SUMF1: variants seen among roughly 807,000 people sequenced by gnomAD.
The protein encoded by SUMF1 is sulfatase modifying factor 1.
Under a neutral mutation model 47.6 loss-of-function variants are expected in SUMF1, and 48 were observed. The observed-to-expected ratio is 1.01, with a 90% CI of 0.80 to 1.28. The LOEUF is 1.28. Ranked by LOEUF, SUMF1 falls within the 50% of genes most tolerant of loss-of-function variation. The probability of loss-of-function intolerance (pLI) is 0.00; values close to 1 mark genes in which losing one functional copy is unlikely to be tolerated. For missense variants in SUMF1, 571 were observed against 485.4 expected (o/e 1.18, Z -1.66); for synonymous variants, 230 against 192.1 (o/e 1.20, Z -1.63).
intron 8 of SUMF1, among the ~76,000 whole-genome samples, chr3:4,348,542 G>C (rs1344623524): frequency 1.3e-5 from 2 of 152,088 alleles, no homozygotes; most frequent in Non-Finnish European, 2.9e-5. Context: ...ATGGATTAAA[G>C]ACTTAAATGT....
intron 9 of SUMF1, among the ~76,000 whole-genome samples, chr3:4,047,470 A>C (rs555462479): frequency 3.3e-4 from 51 of 152,258 alleles, no homozygotes; most frequent in African/African-American, 1.2e-3. Context: ...CACAGTTCCA[A>C]GGAGGCTTTA....
At chr3:4,188,484 C>T (rs972879454) in intron 8 of SUMF1, among the ~76,000 whole-genome samples, 1 of 152,116 alleles carries the variant, frequency 6.6e-6, no homozygotes, top group Non-Finnish European at 1.5e-5. Flanking sequence ...CATGATGAAA[C>T]GTTTTCATAC....
At chr3:4,249,671 A>G (rs1696749237) in intron 8 of SUMF1, among the ~76,000 whole-genome samples, 1 of 152,198 alleles carries the variant, frequency 6.6e-6, no homozygotes, top group South Asian at 2.1e-4. Flanking sequence ...TAATAACCCT[A>G]AAATGGCCTC....
chr3:4,337,635 C>A lies in SUMF1; in HGVS notation c.1014+38695G>T, dbSNP rs556182993. Among the ~76,000 whole-genome samples, 3 of 152,286 alleles carry A rather than the reference C, an allele frequency of 2.0e-5. No homozygotes were observed. In the East Asian group the frequency reaches 5.8e-4, roughly 29 times the overall value. On this transcript the variant is annotated intron_variant and NMD_transcript_variant, in intron 8 of 12. Transcript: ENST00000448413. ...TCCCTTGACCACTTCCCTCCTCTTT[C>A]CTAACTTGCCACTACATCAAAGCAT...
intron 9 of SUMF1, among the ~76,000 whole-genome samples, chr3:4,059,293 T>C (rs755597749): frequency 2.6e-4 from 40 of 152,074 alleles, no homozygotes; most frequent in Non-Finnish European, 5.0e-4. Context: ...TTTGCAGAGT[T>C]TTCAAGAAAG....
At position 4,362,261 on chromosome 3, in the gene SUMF1, A is replaced by G. The variant is rs1267654723; in HGVS notation, c.1015-7T>C. 2 of 1,612,642 alleles carry G rather than the reference A, an allele frequency of 1.2e-6. No homozygotes were observed. Among genetic ancestry groups the G allele is most frequent in the East Asian group, 2.2e-5 (1 of 44,854 alleles). On this transcript the variant is annotated splice_region_variant and splice_polypyrimidine_tract_variant and intron_variant, in intron 8 of 8. Transcript: ENST00000272902. ...GATACCTGTAACAATAAGACTGTGT[A>G]GAGAGAAAGAGCAAGGTAAGTGCTA...
At chr3:4,260,692 G>A (rs535710524) in intron 8 of SUMF1, among the ~76,000 whole-genome samples, 22 of 151,966 alleles carry the variant, frequency 1.4e-4, no homozygotes, top group African/African-American at 3.6e-4. Context: ...CTGAGATCTC[G>A]CCACTGCACT....
At chr3:4,081,747 G>C (rs564454819) in intron 8 of SUMF1, among the ~76,000 whole-genome samples, 4 of 152,122 alleles carry the variant, frequency 2.6e-5, no homozygotes, top group African/African-American at 9.7e-5. Context: ...GTGTGGACTT[G>C]ACTAGCCTAT....
At chr3:4,362,309 C>G in intron 8 of SUMF1, 55 bp from the exon 9 acceptor site, 1 of 1,477,140 alleles carries the variant, frequency 6.8e-7, no homozygotes, top group Non-Finnish European at 9.5e-7. Flanking sequence ...GCTGAAGGCT[C>G]TAACCCATCA....
chr3:4,443,048 G>T (rs1277355036), intron 3 of SUMF1, among the ~76,000 whole-genome samples: 5 of 152,048 alleles, frequency 3.3e-5, no homozygotes, highest in Non-Finnish European at 5.9e-5. Flanking sequence ...GGCCAAGGCA[G>T]ATGGATCACC....
At chr3:4,379,928 G>A (rs577794019) in intron 7 of SUMF1, among the ~76,000 whole-genome samples, 162 of 152,006 alleles carry the variant, frequency 1.1e-3, no homozygotes, top group African/African-American at 3.8e-3. Context: ...TTGGGGAAGA[G>A]GGGTATCTCC....
chr3:4,370,520 G>C (rs1329156406), intron 8 of SUMF1, among the ~76,000 whole-genome samples: 2 of 152,108 alleles, frequency 1.3e-5, no homozygotes, highest in African/African-American at 4.8e-5. Flanking sequence ...AAAATAAGAT[G>C]ATATTCATAT....
chr3:4,280,121 T>C (rs1332033451), intron 8 of SUMF1, among the ~76,000 whole-genome samples: 2 of 152,150 alleles, frequency 1.3e-5, no homozygotes, highest in African/African-American at 2.4e-5. Flanking sequence ...TTATGTGAGG[T>C]AGTACAGATG....
chr3:4,090,904 A>G (rs956053692), intron 8 of SUMF1, among the ~76,000 whole-genome samples: 20 of 151,942 alleles, frequency 1.3e-4, no homozygotes, highest in African/African-American at 4.8e-4. Flanking sequence ...ACACGGTGAA[A>G]CCTCATCTCT....
At chr3:4,391,414 T>C (rs1700858133) in intron 7 of SUMF1, among the ~76,000 whole-genome samples, 1 of 152,218 alleles carries the variant, frequency 6.6e-6, no homozygotes, top group South Asian at 2.1e-4. Context: ...GTTAAAATTA[T>C]GTTGGAACAC....
chr3:4,148,675 G>C (rs1574927436), intron 8 of SUMF1, among the ~76,000 whole-genome samples: 2 of 152,076 alleles, frequency 1.3e-5, no homozygotes, highest in African/African-American at 4.8e-5. Context: ...ACAAACAAAT[G>C]GTAATGGCTA....
chr3:4,386,237 T>C (rs1471471099), intron 7 of SUMF1, among the ~76,000 whole-genome samples: 3 of 152,204 alleles, frequency 2.0e-5, no homozygotes, highest in Non-Finnish European at 4.4e-5. Context: ...CTAGGCTGAA[T>C]TTTCCAATTC....
chr3:4,298,900 T>C (rs1191697227), intron 8 of SUMF1, among the ~76,000 whole-genome samples: 1 of 152,236 alleles, frequency 6.6e-6, no homozygotes, highest in African/African-American at 2.4e-5. Flanking sequence ...CTCTTTCCTA[T>C]CCACATCTTT....
intron 8 of SUMF1, among the ~76,000 whole-genome samples, chr3:4,207,607 C>G (rs564255427): frequency 6.6e-6 from 1 of 152,124 alleles, no homozygotes; most frequent in African/African-American, 2.4e-5. Context: ...ATGTATTACA[C>G]TAACTGATTT....
Sources: gnomAD v4.1 joint callset for allele counts (sites outside exome capture counted in the v4.1 genomes callset) on GRCh38, gnomAD v4.1.1 for gene constraint, MANE v1.5 for transcripts, NCBI Gene and HGNC (gene_info 2026-07-23, HGNC 2026-07-21) for gene names.